Variants in RBFOX1 observed in about 807,000 individuals in gnomAD.
The protein encoded by RBFOX1 is RNA binding protein fox-1 homolog 1.
RBFOX1 carries 8 observed loss-of-function variants against 57.7 expected under a neutral mutation model. The ratio of observed to expected loss-of-function variants is 0.14; its 90% CI spans 0.08 to 0.25. RBFOX1 has a LOEUF of 0.25. Among genes scored for constraint, RBFOX1 ranks in the 10% least tolerant of loss-of-function variants. The pLI, the probability that RBFOX1 is intolerant of heterozygous loss-of-function variation, is 1.00. For missense variants in RBFOX1, 611 were observed against 548.5 expected (o/e 1.11, Z -1.14); for synonymous variants, 326 against 222.4 (o/e 1.47, Z -4.15).
intron 4 of RBFOX1, among the ~76,000 whole-genome samples, chr16:5,870,574 T>C (rs1225226505): frequency 6.6e-6 from 1 of 152,116 alleles, no homozygotes; most frequent in Non-Finnish European, 1.5e-5. Context: ...CTTCATTCTT[T>C]TTTTATTCCA....
rs77660778 is a variant in RBFOX1, at chr16:7,424,747, A to G, written c.28-93400A>G. ...TTTGACAGTTTGGGATCATAGTATT[A>G]TCCTAAAAGCAAGCAAACAAACAAA... On this transcript the variant is annotated intron_variant, in intron 4 of 15. Coordinates refer to ENST00000550418, the MANE Select transcript of RBFOX1 (RefSeq NM_018723.4). Among the ~76,000 whole-genome samples the G allele has an allele frequency of 4.2e-3, 633 of 152,316 alleles. 4 individuals carry two copies. Among genetic ancestry groups the G allele is most frequent in the African/African-American group, 0.014 (593 of 41,570 alleles).
chr16:6,581,469 G>A (rs985453331), intron 2 of RBFOX1, among the ~76,000 whole-genome samples: 1 of 152,194 alleles, frequency 6.6e-6, no homozygotes, highest in Non-Finnish European at 1.5e-5. Context: ...TGGGAAACAA[G>A]CCTTGCTCTT....
chr16:5,374,106 T>A (rs927022675), intron 1 of RBFOX1, among the ~76,000 whole-genome samples: 1 of 152,152 alleles, frequency 6.6e-6, no homozygotes, highest in African/African-American at 2.4e-5. Flanking sequence ...TGCGGCTAAT[T>A]TTTGTGTTTT....
chr16:5,246,065 G>A (rs1292337465), intron 1 of RBFOX1, among the ~76,000 whole-genome samples: 1 of 152,092 alleles, frequency 6.6e-6, no homozygotes, highest in Non-Finnish European at 1.5e-5. Context: ...CCAACATGGC[G>A]AAACTGTCTC....
intron 4 of RBFOX1, among the ~76,000 whole-genome samples, chr16:7,267,916 C>T (rs967166860): frequency 1.2e-4 from 18 of 152,154 alleles, no homozygotes; most frequent in South Asian, 4.1e-4. Flanking sequence ...CACTTCAGTA[C>T]AGTCATGCAG....
intron 4 of RBFOX1, among the ~76,000 whole-genome samples, chr16:7,090,982 A>C (rs17736900): frequency 6.6e-6 from 1 of 152,008 alleles, no homozygotes; most frequent in Non-Finnish European, 1.5e-5. Context: ...TGTTTCTCCT[A>C]GGGCTGGAAA....
intron 2 of RBFOX1, among the ~76,000 whole-genome samples, chr16:5,501,983 A>G (rs966822752): frequency 1.3e-5 from 2 of 151,924 alleles, no homozygotes; most frequent in Non-Finnish European, 2.9e-5. Context: ...TTGGCCTCCC[A>G]AAGTGCTGGG....
chr16:7,467,559 A>C (rs2060754087), intron 4 of RBFOX1, among the ~76,000 whole-genome samples: 1 of 152,250 alleles, frequency 6.6e-6, no homozygotes, highest in Non-Finnish European at 1.5e-5. Flanking sequence ...CGTGGGTTCA[A>C]ATCCCAGCTC....
chr16:7,245,770 C>A (rs530468299), intron 4 of RBFOX1, among the ~76,000 whole-genome samples: 29 of 152,222 alleles, frequency 1.9e-4, no homozygotes, highest in Admixed American at 1.6e-3. Flanking sequence ...TTCGGGTTGC[C>A]CTTTTTGTCC....
At chr16:6,298,120 A>T (rs142574861) in intron 1 of RBFOX1, among the ~76,000 whole-genome samples, 3 of 152,268 alleles carry the variant, frequency 2.0e-5, no homozygotes, top group East Asian at 3.9e-4. Flanking sequence ...GCACACTGTA[A>T]CACACGCCCA....
chr16:7,565,158 T>C (rs1373174250), intron 5 of RBFOX1, among the ~76,000 whole-genome samples: 1 of 152,174 alleles, frequency 6.6e-6, no homozygotes, highest in Non-Finnish European at 1.5e-5. Flanking sequence ...CTTACCATTA[T>C]TATTACTTTT....
chr16:6,445,047 G>A (rs1173550739), intron 2 of RBFOX1, among the ~76,000 whole-genome samples: 1 of 152,024 alleles, frequency 6.6e-6, no homozygotes, highest in Non-Finnish European at 1.5e-5. Context: ...CTGTTGAGGT[G>A]GAAACAGAGA....
intron 3 of RBFOX1, among the ~76,000 whole-genome samples, chr16:6,780,127 A>T (rs867423738): frequency 2.8e-5 from 1 of 35,548 alleles, no homozygotes; most frequent in Non-Finnish European, 4.0e-5. Flanking sequence ...ATTTATATAT[A>T]TATTTATATA....
chr16:5,720,585 A>G (rs2342728), intron 3 of RBFOX1, among the ~76,000 whole-genome samples: 85,708 of 151,924 alleles, frequency 0.56, 27,161 homozygotes, highest in Non-Finnish European at 0.73. Flanking sequence ...GTTTAGGTCT[A>G]TGATCCATTT....
chr16:7,122,401 G>A (rs2067389316), intron 4 of RBFOX1, among the ~76,000 whole-genome samples: 2 of 152,044 alleles, frequency 1.3e-5, no homozygotes, highest in South Asian at 2.1e-4. Context: ...TCCTGAGTGG[G>A]GGGAAAAGAA....
rs377008814 is a variant in RBFOX1 at position 6,473,234 on chromosome 16, C to T, written c.-64+156177C>T. 1.2e-3 allele frequency among the ~76,000 whole-genome samples: 187 copies of T among 152,274 alleles called. 1 individual carries two copies. The highest frequency in any genetic ancestry group is 4.3e-3 in the African/African-American group (177 of 41,558). ...ATTTTGTTTTCTGGTGATTAGTGAACATGGATCACCCTCCGAGGCTTTTTG... is the reference window on the plus strand; with the variant it reads ...ATTTTGTTTTCTGGTGATTAGTGAATATGGATCACCCTCCGAGGCTTTTTG... On this transcript the variant is annotated intron_variant, in intron 2 of 15. Transcript: ENST00000550418.
At chr16:6,101,188 C>T (rs1380546789) in intron 1 of RBFOX1, among the ~76,000 whole-genome samples, 1 of 152,188 alleles carries the variant, frequency 6.6e-6, no homozygotes, top group African/African-American at 2.4e-5. Flanking sequence ...ATGAGAACAT[C>T]TAAAGGCTGG....
At chr16:6,234,415 A>G (rs1299509739) in intron 1 of RBFOX1, among the ~76,000 whole-genome samples, 1 of 152,150 alleles carries the variant, frequency 6.6e-6, no homozygotes, top group Non-Finnish European at 1.5e-5. Context: ...GATAGGGGCT[A>G]TTTTTATTGG....
chr16:7,165,811 A>G (rs776687105), intron 4 of RBFOX1, among the ~76,000 whole-genome samples: 2 of 151,802 alleles, frequency 1.3e-5, no homozygotes, highest in African/African-American at 2.4e-5. Flanking sequence ...GTTCATCTTG[A>G]TTTGCCTTCT....
Sources: gnomAD v4.1 joint callset for allele counts (sites outside exome capture counted in the v4.1 genomes callset) on GRCh38, gnomAD v4.1.1 for gene constraint, MANE v1.5 for transcripts, NCBI Gene and HGNC (gene_info 2026-07-23, HGNC 2026-07-21) for gene names.